The following CCDC93 variants were observed in gnomAD, a reference collection of about 807,000 sequenced individuals.
CCDC93 encodes CCC complex scaffolding subunit CCDC93.
In CCDC93, 61 loss-of-function variants were observed where a neutral mutation model predicts 108.2. That is an observed-to-expected ratio of 0.56 (90% CI 0.46 to 0.70). The LOEUF (loss-of-function observed/expected upper bound fraction) is 0.70. CCDC93 is among the 30% of genes least tolerant of loss of function. CCDC93 has a pLI of 0.00. For missense variants in CCDC93, 685 were observed against 764.2 expected, an observed-to-expected ratio of 0.90 and a Z score of 1.22; for synonymous variants, 276 against 260.4, an observed-to-expected ratio of 1.06 and a Z score of -0.58.
intron 20 of CCDC93, 68 bp from the exon 21 acceptor site, chr2:117,936,807 T>G: frequency 8.2e-7 from 1 of 1,218,324 alleles, no homozygotes. Context: ...CTGCAACTGC[T>G]GCAAGCTTGC....
At chr2:117,960,470 T>C (rs1046834491) in intron 11 of CCDC93, among the ~76,000 whole-genome samples, 9 of 152,250 alleles carry the variant, frequency 5.9e-5, no homozygotes, top group African/African-American at 1.9e-4. Context: ...TCTCTGACTG[T>C]TAGCAAGCTT....
intron 6 of CCDC93, among the ~76,000 whole-genome samples, chr2:117,989,540 C>G (rs1034573770): frequency 2.0e-5 from 3 of 152,182 alleles, no homozygotes; most frequent in East Asian, 3.9e-4. Flanking sequence ...GTTGCCTCAG[C>G]TCCTTGAACA....
Position 117,948,476 on chromosome 2 carries a change from T to A in CCDC93, c.1143-290A>T, listed in dbSNP as rs763295973. Among the ~76,000 whole-genome samples the A allele has an allele frequency of 6.4e-4, 97 of 152,246 alleles. 2 individuals carry two copies. Among genetic ancestry groups the A allele is most frequent in the Non-Finnish European group, 1.8e-4 (12 of 68,036 alleles). ...TGAGTTTCAATAGTACCAGGTATATTTAATGATACCAATTATTCAACTGTA... is the reference window on the plus strand; with the variant it reads ...TGAGTTTCAATAGTACCAGGTATATATAATGATACCAATTATTCAACTGTA... On this transcript the variant is annotated intron_variant, in intron 14 of 23. Coordinates refer to ENST00000376300, the MANE Select transcript of CCDC93 (RefSeq NM_019044.5).
At chr2:117,922,447 A>C (rs1374380182) in intron 23 of CCDC93, among the ~76,000 whole-genome samples, 1 of 152,200 alleles carries the variant, frequency 6.6e-6, no homozygotes, top group Non-Finnish European at 1.5e-5. Context: ...AGTTCACTCA[A>C]GGTTATGTAC....
Position 117,965,285 on chromosome 2 carries a change from A to G in CCDC93, c.889-6804T>C, listed in dbSNP as rs180829158. ...CAAACCGATGCTGCTAGCAAGTGGT[A>G]ACATTTTTTGAGTTGGGCAGGATGA... On this transcript the variant is annotated intron_variant, in intron 11 of 23. Coordinates refer to ENST00000376300, the MANE Select transcript of CCDC93 (RefSeq NM_019044.5). Among the ~76,000 whole-genome samples, 465 of 152,258 alleles carry G rather than the reference A, an allele frequency of 3.1e-3. 1 individual carries two copies. The highest frequency in any genetic ancestry group is 0.01 in the African/African-American group (434 of 41,558).
At chr2:118,010,254 C>T (rs573803034) in intron 1 of CCDC93, among the ~76,000 whole-genome samples, 2 of 152,276 alleles carry the variant, frequency 1.3e-5, no homozygotes, top group African/African-American at 4.8e-5. Flanking sequence ...CGCGCCTGGC[C>T]GTATCTCAGC....
At chr2:117,922,507 G>A (rs1677904159) in intron 23 of CCDC93, among the ~76,000 whole-genome samples, 3 of 152,152 alleles carry the variant, frequency 2.0e-5, no homozygotes, top group African/African-American at 7.2e-5. Flanking sequence ...CAGTGCTATT[G>A]AATTTAAATC....
intron 7 of CCDC93, chr2:117,985,523 G>C: frequency 2.2e-6 from 1 of 462,198 alleles, no homozygotes; most frequent in Non-Finnish European, 2.6e-6. Context: ...TATAAAATAA[G>C]ATTTTTTTTT....
In CCDC93 at chr2:117,973,852, G is replaced by C. The variant is rs955616250; in HGVS notation, c.888+56C>G. 1.4e-5 allele frequency: 19 copies of C among 1,366,662 alleles called. No individual in the cohort carries two copies. In the Admixed American group the frequency reaches 3.0e-4, roughly 22 times the overall value. 84.7% of individuals were successfully genotyped at this position (1,366,662 alleles called of 1,614,324 possible). A position where few individuals can be genotyped will look rare whatever the true frequency, so the allele number is the denominator to read the frequency against. On this transcript the variant is annotated intron_variant, in intron 11 of 23. Transcript: ENST00000376300. Reference sequence around the variant, plus strand: ...GGGGTAGTGGGGTAAGGAAGTGGGAGAACAAAGCCATGGAGCATTATCTGG... The same window carrying C: ...GGGGTAGTGGGGTAAGGAAGTGGGACAACAAAGCCATGGAGCATTATCTGG...
At position 117,920,161 on chromosome 2, in the gene CCDC93, C is replaced by G. The variant is rs962111305; in HGVS notation, c.*182G>C. On this transcript the variant is annotated 3_prime_UTR_variant, in exon 24 of 24. Transcript: ENST00000376300. ...TCCAAGCCACGTGTTTACTGTCTGACTCCATCAACAGCAGCCAACAGAGAT... is the reference window on the plus strand; with the variant it reads ...TCCAAGCCACGTGTTTACTGTCTGAGTCCATCAACAGCAGCCAACAGAGAT... The G allele has an allele frequency of 1.3e-5, 7 of 525,546 alleles. No individual in the cohort carries two copies. Among genetic ancestry groups the G allele is most frequent in the Non-Finnish European group, 2.4e-5 (7 of 289,896 alleles). 32.6% of individuals were successfully genotyped at this position (525,546 alleles called of 1,614,324 possible). A position where few individuals can be genotyped will look rare whatever the true frequency, so the allele number is the denominator to read the frequency against.
intron 8 of CCDC93, among the ~76,000 whole-genome samples, chr2:117,976,243 C>T (rs1347688431): frequency 6.6e-6 from 1 of 152,152 alleles, no homozygotes; most frequent in Non-Finnish European, 1.5e-5. Context: ...AGGACAAGCA[C>T]AATTTGAATA....
chr2:117,926,556 A>G (rs1226577605), intron 23 of CCDC93, among the ~76,000 whole-genome samples: 1 of 152,218 alleles, frequency 6.6e-6, no homozygotes, highest in South Asian at 2.1e-4. Flanking sequence ...ACACCCTCCC[A>G]AGACTAAACG....
chr2:117,931,159 A>G lies in CCDC93; in HGVS notation c.1729-9T>C, dbSNP rs1390551573. On this transcript the variant is annotated splice_polypyrimidine_tract_variant and intron_variant, in intron 22 of 23. Transcript: ENST00000376300. ...TGCTTTTTCTTTTCCATCTGTTGAA[A>G]CATTGTGGGAAATGGTGATGAAAAG... 6.3e-7 allele frequency: 1 copy of G among 1,599,724 alleles called. No individual in the cohort carries two copies. The highest frequency in any genetic ancestry group is 1.7e-5 in the Admixed American group (1 of 59,894).
Position 117,957,516 on chromosome 2 carries a change from A to G in CCDC93, c.1005+849T>C, listed in dbSNP as rs530847067. Among the ~76,000 whole-genome samples the G allele has an allele frequency of 1.4e-3, 207 of 152,304 alleles. 1 individual carries two copies. Among genetic ancestry groups the G allele is most frequent in the African/African-American group, 4.8e-3 (201 of 41,554 alleles). ...GTTGTCCCTGAATTCCTTCTCACCC[A>G]AGTCCAGTTAATTCATGCTCCTGCA... is the stretch of plus-strand genomic sequence containing the variant. On this transcript the variant is annotated intron_variant, in intron 12 of 23. Transcript: ENST00000376300.
intron 5 of CCDC93, 103 bp downstream of exon 5, chr2:117,996,161 A>G: frequency 1.5e-6 from 1 of 666,496 alleles, no homozygotes; most frequent in Non-Finnish European, 2.6e-6. Flanking sequence ...AGTGGGGCTG[A>G]GAATGTAGGG....
chr2:117,998,863 G>A (rs1470711495), intron 4 of CCDC93: 1 of 152,212 alleles, frequency 6.6e-6, no homozygotes, highest in East Asian at 1.9e-4. Flanking sequence ...AAATGATCAG[G>A]TAGTGTCCCC....
intron 13 of CCDC93, chr2:117,951,423 C>T: frequency 3.0e-6 from 3 of 985,488 alleles, no homozygotes; most frequent in Non-Finnish European, 3.6e-6. Flanking sequence ...TAGTCCAGAC[C>T]AGAATTGAAA....
At chr2:117,926,551 C>G (rs1284665730) in intron 23 of CCDC93, among the ~76,000 whole-genome samples, 1 of 152,158 alleles carries the variant, frequency 6.6e-6, no homozygotes, top group African/African-American at 2.4e-5. Flanking sequence ...CACATACACC[C>G]TCCCAAGACT....
At chr2:117,965,744 C>G (rs755273418) in intron 11 of CCDC93, among the ~76,000 whole-genome samples, 13 of 152,214 alleles carry the variant, frequency 8.5e-5, no homozygotes, top group Admixed American at 2.6e-4. Flanking sequence ...CTGACTCACG[C>G]GTAACGCAAT....
Sources: gnomAD v4.1 joint callset for allele counts (sites outside exome capture counted in the v4.1 genomes callset) on GRCh38, gnomAD v4.1.1 for gene constraint, MANE v1.5 for transcripts, NCBI Gene and HGNC (gene_info 2026-07-23, HGNC 2026-07-21) for gene names.